Variants in MVB12B observed in about 807,000 individuals in gnomAD.
MVB12B encodes the protein ESCRT-I complex subunit MVB12B.
A neutral mutation model predicts 41.6 loss-of-function variants in MVB12B; 16 were observed. The ratio of observed to expected loss-of-function variants is 0.38; its 90% CI spans 0.26 to 0.58. MVB12B has a LOEUF of 0.58. Among genes scored for constraint, MVB12B ranks in the 20% least tolerant of loss-of-function variants. MVB12B has a pLI of 0.62. For synonymous variants in MVB12B, 133 were observed against 139.7 expected (o/e 0.95, Z 0.34); for missense variants, 274 against 380.2 (o/e 0.72, Z 2.32).
At chr9:126,374,976 C>T (rs1184465315) in intron 2 of MVB12B, among the ~76,000 whole-genome samples, 1 of 152,234 alleles carries the variant, frequency 6.6e-6, no homozygotes, top group Admixed American at 6.5e-5. Flanking sequence ...CCTGCCCTGT[C>T]TCCCCACCTT....
chr9:126,377,745 C>G (rs977384674), intron 2 of MVB12B, among the ~76,000 whole-genome samples: 2 of 152,100 alleles, frequency 1.3e-5, no homozygotes, highest in Non-Finnish European at 2.9e-5. Context: ...AGATGTTCCT[C>G]GTACAAGTAT....
intron 8 of MVB12B, among the ~76,000 whole-genome samples, 160 bp from the exon 9 acceptor site, chr9:126,483,813 G>A (rs1265717813): frequency 2.6e-5 from 4 of 152,150 alleles, no homozygotes; most frequent in African/African-American, 7.2e-5. Flanking sequence ...CCACCCCCAC[G>A]CGTGACCGAG....
chr9:126,346,976 G>A (rs1829608262), intron 2 of MVB12B, among the ~76,000 whole-genome samples: 1 of 152,244 alleles, frequency 6.6e-6, no homozygotes, highest in African/African-American at 2.4e-5. Context: ...GAGAGGTTGA[G>A]AGTGCAGATG....
At chr9:126,441,602 A>T (rs570916880) in intron 7 of MVB12B, among the ~76,000 whole-genome samples, 2 of 152,256 alleles carry the variant, frequency 1.3e-5, no homozygotes, top group African/African-American at 2.4e-5. Flanking sequence ...ATCAATAAAG[A>T]TGAAAATCCG....
At chr9:126,467,401 C>T (rs1833222438) in intron 7 of MVB12B, among the ~76,000 whole-genome samples, 1 of 152,192 alleles carries the variant, frequency 6.6e-6, no homozygotes, top group Admixed American at 6.5e-5. Flanking sequence ...GTGAAGTTAG[C>T]TTCGATCACC....
chr9:126,364,491 A>AGCACCAT (rs1830110120), intron 2 of MVB12B, among the ~76,000 whole-genome samples: 1 of 152,212 alleles, frequency 6.6e-6, no homozygotes, highest in Non-Finnish European at 1.5e-5. Flanking sequence ...AGGTGGGGCC[A>AGCACCAT]GCACCATGGG....
At chr9:126,477,974 A>G (rs1833452980) in intron 7 of MVB12B, among the ~76,000 whole-genome samples, 1 of 152,122 alleles carries the variant, frequency 6.6e-6, no homozygotes, top group Admixed American at 6.5e-5. Flanking sequence ...CAAAGACGTG[A>G]TCATCAGTTG....
chr9:126,372,446 C>T (rs1164429145), intron 2 of MVB12B, among the ~76,000 whole-genome samples: 2 of 152,198 alleles, frequency 1.3e-5, no homozygotes, highest in African/African-American at 2.4e-5. Context: ...TGAGGAACTT[C>T]CAGACTGTTT....
chr9:126,346,587 G>A (rs570349818), intron 2 of MVB12B, among the ~76,000 whole-genome samples: 1 of 152,186 alleles, frequency 6.6e-6, no homozygotes, highest in South Asian at 2.1e-4. Context: ...CTGGAGAGAG[G>A]TCTGAGCACC....
At chr9:126,425,636 C>T (rs192436130) in intron 7 of MVB12B, among the ~76,000 whole-genome samples, 151 of 152,288 alleles carry the variant, frequency 9.9e-4, no homozygotes, top group Middle Eastern at 3.4e-3. Context: ...GTTATGCAGT[C>T]CCCTGAAATC....
chr9:126,461,566 C>G (rs1833090286), intron 7 of MVB12B, among the ~76,000 whole-genome samples: 1 of 152,184 alleles, frequency 6.6e-6, no homozygotes, highest in South Asian at 2.1e-4. Context: ...ACAGCAATAT[C>G]TTTAACGTTT....
rs909767420 is a variant in MVB12B at position 126,391,414 on chromosome 9, G to A, written c.410-652G>A. On this transcript the variant is annotated intron_variant, in intron 4 of 9. Coordinates refer to ENST00000361171, the MANE Select transcript of MVB12B (RefSeq NM_033446.3). This position sits in a 1 kb window ranked among gnomAD's most constrained non-coding sequence, Gnocchi z 4.4. ...CAGATGCAGACAGACTGGAGAAAAC[G>A]TGGATGTAGACTCTCTGTTGGATGA... is the stretch of plus-strand genomic sequence containing the variant. 3.3e-5 allele frequency among the ~76,000 whole-genome samples: 5 copies of A among 152,226 alleles called. No individual in the cohort carries two copies. The highest frequency in any genetic ancestry group is 3.8e-4 in the East Asian group (2 of 5,202).
At chr9:126,329,347 G>A (rs1376016696) in intron 1 of MVB12B, among the ~76,000 whole-genome samples, 2 of 152,250 alleles carry the variant, frequency 1.3e-5, no homozygotes, top group South Asian at 4.1e-4. Flanking sequence ...GGAGGTGGCG[G>A]TCCTCATGAA....
At chr9:126,449,784 GAAT>G (rs1319455807) in intron 7 of MVB12B, among the ~76,000 whole-genome samples, 1 of 152,104 alleles carries the variant, frequency 6.6e-6, no homozygotes, top group Admixed American at 6.5e-5. Flanking sequence ...TTGGTTTCAG[GAAT>G]AATAATCAAT....
intron 7 of MVB12B, among the ~76,000 whole-genome samples, chr9:126,430,384 C>T (rs1216061589): frequency 6.6e-6 from 1 of 152,150 alleles, no homozygotes; most frequent in Non-Finnish European, 1.5e-5. Flanking sequence ...ACCACCTTCT[C>T]TTCTCTCTGT....
At chr9:126,355,790 A>C (rs1829865102) in intron 2 of MVB12B, among the ~76,000 whole-genome samples, 2 of 152,240 alleles carry the variant, frequency 1.3e-5, no homozygotes, top group Admixed American at 6.5e-5. Context: ...CTAAAAACTG[A>C]GGTAAAGTAA....
intron 4 of MVB12B, among the ~76,000 whole-genome samples, chr9:126,390,399 T>C (rs1830914097): frequency 6.6e-6 from 1 of 152,198 alleles, no homozygotes; most frequent in Admixed American, 6.5e-5. Context: ...AATGTTGGTG[T>C]TGGGATTTCA....
At chr9:126,454,946 G>A (rs1320736451) in intron 7 of MVB12B, among the ~76,000 whole-genome samples, 1 of 152,060 alleles carries the variant, frequency 6.6e-6, no homozygotes, top group Non-Finnish European at 1.5e-5. Flanking sequence ...CTTCCCTCCT[G>A]TGAGCCTGTG....
intron 6 of MVB12B, among the ~76,000 whole-genome samples, chr9:126,397,889 T>G (rs1230447533): frequency 6.6e-6 from 1 of 152,080 alleles, no homozygotes. Context: ...TCACCTCCCC[T>G]CTGGTGGGGA....
Sources: gnomAD v4.1 joint callset for allele counts (sites outside exome capture counted in the v4.1 genomes callset) on GRCh38, gnomAD v4.1.1 for gene constraint, Gnocchi (gnomAD v3.1) non-coding constraint, MANE v1.5 for transcripts, NCBI Gene and HGNC (gene_info 2026-07-23, HGNC 2026-07-21) for gene names.